SNCAIP: variants seen among roughly 807,000 people sequenced by gnomAD.
SNCAIP encodes synuclein alpha interacting protein.
A neutral mutation model predicts 86.7 loss-of-function variants in SNCAIP; 43 were observed. The observed-to-expected ratio is 0.50, with a 90% confidence interval of 0.39 to 0.64. The LOEUF (loss-of-function observed/expected upper bound fraction) is 0.64, where lower values mean the gene tolerates loss of function less well. SNCAIP is among the 30% of genes least tolerant of loss of function. The pLI, the probability that SNCAIP is intolerant of heterozygous loss-of-function variation, is 0.00. For synonymous variants in SNCAIP, 417 were observed against 427.2 expected (o/e 0.98, Z 0.29); for missense variants, 981 against 1,103.1 (o/e 0.89, Z 1.57).
Position 122,449,934 on chromosome 5 carries a change from C to T in SNCAIP, c.1682C>T (p.Pro561Leu), listed in dbSNP as rs1309824039. Residue 561 changes from proline (P) to leucine (L), a missense_variant, in exon 9 of 11, where the codon CCC (proline) becomes CTC (leucine). Coordinates refer to ENST00000261368, the MANE Select transcript of SNCAIP (RefSeq NM_005460.4). ...KSEGKSLPSS[P>L]SSPSSPASRK... Reference sequence around the variant, plus strand: ...GAGGGCAAGTCACTCCCTTCTTCACCCAGGTAATACCAGCACATTGTTGTT... The same window carrying T: ...GAGGGCAAGTCACTCCCTTCTTCACTCAGGTAATACCAGCACATTGTTGTT... The T allele has an allele frequency of 4.4e-6, 7 of 1,593,240 alleles. No individual in the cohort carries two copies. In the East Asian group the frequency reaches 1.3e-4, roughly 31 times the overall value.
intron 1 of SNCAIP, among the ~76,000 whole-genome samples, chr5:122,365,109 C>T (rs1403899874): frequency 2.0e-5 from 3 of 152,104 alleles, no homozygotes; most frequent in Admixed American, 6.6e-5. Context: ...CCCCATGCCC[C>T]GACCCCTATT....
chr5:122,359,349 T>TTTTATTTATTTATTTATTTATTTA (rs10528513), intron 1 of SNCAIP, among the ~76,000 whole-genome samples: 67 of 142,238 alleles, frequency 4.7e-4, no homozygotes, highest in African/African-American at 1.2e-3. Context: ...AGATTTTTAT[T>TTTTATTTATTTATTTATTTATTTA]TTTATTTATT....
At chr5:122,369,115 C>T (rs1763764102) in intron 1 of SNCAIP, among the ~76,000 whole-genome samples, 3 of 152,260 alleles carry the variant, frequency 2.0e-5, no homozygotes, top group Admixed American at 1.3e-4. Context: ...AATTAGTGCC[C>T]TTGTATAGGT....
At chr5:122,372,284 A>G (rs369401010) in intron 1 of SNCAIP, among the ~76,000 whole-genome samples, 28 of 152,268 alleles carry the variant, frequency 1.8e-4, no homozygotes, top group East Asian at 1.3e-3. Context: ...AAAAGCTATG[A>G]TTTGCAACAT....
At position 122,450,949 on chromosome 5, in the gene SNCAIP, C is replaced by T. The variant is rs747135936; in HGVS notation, c.2102C>T (p.Pro701Leu). Residue 701 changes from proline to leucine, a missense_variant, in exon 10 of 11, where the codon CCG (proline) becomes CTG (leucine). Coordinates refer to ENST00000261368, the MANE Select transcript of SNCAIP (RefSeq NM_005460.4). ...GTGAGGAAGGCTGACCGACCAAGGCCGCAGCCCATTGTAGAAAGCGTAGAG... is the reference window on the plus strand; with the variant it reads ...GTGAGGAAGGCTGACCGACCAAGGCTGCAGCCCATTGTAGAAAGCGTAGAG... The part of the protein sequence containing the change: ...TPVRKADRPR[P>L]QPIVESVESM... 13 of 1,614,072 alleles carry T rather than the reference C, an allele frequency of 8.1e-6. No individual in the cohort carries two copies. Among genetic ancestry groups the T allele is most frequent in the South Asian group, 7.7e-5 (7 of 91,074 alleles).
intron 1 of SNCAIP, among the ~76,000 whole-genome samples, chr5:122,345,886 C>T (rs147662704): frequency 6.6e-6 from 1 of 152,062 alleles, no homozygotes; most frequent in Non-Finnish European, 1.5e-5. Context: ...CACCTGACTT[C>T]GAGCAACCCT....
intron 10 of SNCAIP, among the ~76,000 whole-genome samples, chr5:122,457,784 C>T (rs1020327904): frequency 3.9e-5 from 6 of 152,288 alleles, no homozygotes; most frequent in Admixed American, 1.3e-4. Flanking sequence ...TGAACTATTT[C>T]TTCACATGAA....
chr5:122,375,866 T>A (rs1415082767), intron 1 of SNCAIP, among the ~76,000 whole-genome samples: 2 of 152,126 alleles, frequency 1.3e-5, no homozygotes, highest in Admixed American at 1.3e-4. Context: ...GAATCCTGTA[T>A]AATGAAGTTA....
intron 1 of SNCAIP, among the ~76,000 whole-genome samples, chr5:122,344,004 G>C (rs1481412581): frequency 2.0e-5 from 3 of 152,004 alleles, no homozygotes; most frequent in Non-Finnish European, 4.4e-5. Flanking sequence ...TCTGCCCAAG[G>C]GTACCATGCC....
At chr5:122,442,134 T>G (rs1038426039) in intron 7 of SNCAIP, among the ~76,000 whole-genome samples, 4 of 147,286 alleles carry the variant, frequency 2.7e-5, no homozygotes, top group Non-Finnish European at 6.0e-5. Flanking sequence ...TTTTTTTTTT[T>G]GGCTTACACG....
At chr5:122,389,038 T>G (rs1768795109) in intron 1 of SNCAIP, 1 of 152,216 alleles carries the variant, frequency 6.6e-6, no homozygotes, top group African/African-American at 2.4e-5. Context: ...AAGTGCAAAT[T>G]GAAAGATTCC....
At chr5:122,388,264 A>T (rs146977600) in intron 1 of SNCAIP, among the ~76,000 whole-genome samples, 2 of 147,928 alleles carry the variant, frequency 1.4e-5, no homozygotes, top group Non-Finnish European at 3.0e-5. Context: ...AACTGATTCA[A>T]TTTTTTTTTT....
chr5:122,391,247 A>G, intron 2 of SNCAIP, 56 bp downstream of exon 2: 1 of 1,226,152 alleles, frequency 8.2e-7, no homozygotes, highest in South Asian at 1.2e-5. Context: ...TCAACTTCAT[A>G]GCCTACTTTC....
At chr5:122,381,992 A>C (rs1375193848) in intron 1 of SNCAIP, among the ~76,000 whole-genome samples, 19 of 151,176 alleles carry the variant, frequency 1.3e-4, no homozygotes, top group Non-Finnish European at 5.9e-5. Context: ...CTTCATTTCA[A>C]CCTTGGTGAA....
intron 1 of SNCAIP, among the ~76,000 whole-genome samples, chr5:122,364,358 G>A (rs1762758176): frequency 6.6e-6 from 1 of 152,066 alleles, no homozygotes; most frequent in African/African-American, 2.4e-5. Context: ...TCACTTTATG[G>A]ACTCACCCTG....
intron 5 of SNCAIP, among the ~76,000 whole-genome samples, chr5:122,431,342 T>C (rs1778374873): frequency 6.6e-6 from 1 of 152,142 alleles, no homozygotes; most frequent in South Asian, 2.1e-4. Flanking sequence ...GTGGAAACAA[T>C]CCACATATCT....
chr5:122,376,889 C>T (rs780683978), intron 1 of SNCAIP, among the ~76,000 whole-genome samples: 8 of 152,244 alleles, frequency 5.3e-5, no homozygotes, highest in African/African-American at 7.2e-5. Context: ...TCTCAGACTA[C>T]GCAAAATCTT....
At chr5:122,336,880 G>A in intron 1 of SNCAIP, 1 of 152,532 alleles carries the variant, frequency 6.6e-6, no homozygotes, top group Non-Finnish European at 1.5e-5. Flanking sequence ...TGGGATTACA[G>A]GTGTGAGCCA....
At chr5:122,429,457 CAA>C (rs368162956) in intron 5 of SNCAIP, among the ~76,000 whole-genome samples, 47,112 of 142,974 alleles carry the variant, frequency 0.33, 7,803 homozygotes, top group African/African-American at 0.36. Context: ...GTAAACTGAC[CAA>C]AAAAAAAAAA....
Sources: allele counts gnomAD v4.1 joint callset (sites outside exome capture counted in the v4.1 genomes callset), GRCh38; gene constraint gnomAD v4.1.1; transcripts MANE v1.5; gene names NCBI Gene and HGNC (gene_info 2026-07-23, HGNC 2026-07-21).